The following EHHADH variants were observed in gnomAD, a reference collection of about 807,000 sequenced individuals.
EHHADH encodes enoyl-CoA hydratase and 3-hydroxyacyl CoA dehydrogenase.
A neutral mutation model predicts 64.4 loss-of-function variants in EHHADH; 48 were observed. The observed-to-expected ratio is 0.75, with a 90% CI of 0.59 to 0.95. The LOEUF is 0.95. Ranked by LOEUF, EHHADH falls within the 40% of genes least tolerant of loss-of-function variation. The pLI, the probability that EHHADH is intolerant of heterozygous loss-of-function variation, is 0.00. For missense variants in EHHADH, 854 were observed against 876.6 expected (o/e 0.97, Z 0.33); for synonymous variants, 308 against 326.7 (o/e 0.94, Z 0.62).
intron 5 of EHHADH, among the ~76,000 whole-genome samples, chr3:185,210,495 G>A (rs756945819): frequency 6.6e-6 from 1 of 151,894 alleles, no homozygotes; most frequent in Admixed American, 6.6e-5. Context: ...TTAGCCAGGC[G>A]TGGTGGGTGC....
intron 1 of EHHADH, chr3:185,253,197 C>T (rs985410244): frequency 6.9e-6 from 1 of 144,812 alleles, no homozygotes; most frequent in Admixed American, 7.1e-5. Flanking sequence ...CAAAATTCTG[C>T]TTTAATCACT....
At chr3:185,211,053 G>GT (rs1718528255) in intron 5 of EHHADH, among the ~76,000 whole-genome samples, 1 of 152,154 alleles carries the variant, frequency 6.6e-6, no homozygotes, top group South Asian at 2.1e-4. Flanking sequence ...ATCATAGATG[G>GT]TTTTTCCCTG....
At chr3:185,204,288 T>G in intron 6 of EHHADH, 128 bp downstream of exon 6, 3 of 808,194 alleles carry the variant, frequency 3.7e-6, no homozygotes, top group Non-Finnish European at 5.7e-6. Flanking sequence ...TGGGGTGGTG[T>G]GAGAATTAGC....
chr3:185,236,866 T>A (rs1045045356), intron 2 of EHHADH, among the ~76,000 whole-genome samples: 1 of 152,214 alleles, frequency 6.6e-6, no homozygotes, highest in Non-Finnish European at 1.5e-5. Context: ...GATAAATGCA[T>A]CAAGCACTGT....
chr3:185,219,793 C>A (rs1718787466), intron 4 of EHHADH, among the ~76,000 whole-genome samples: 1 of 152,200 alleles, frequency 6.6e-6, no homozygotes, highest in African/African-American at 2.4e-5. Context: ...CCATCGGAGA[C>A]AAACCCTCCA....
intron 6 of EHHADH, among the ~76,000 whole-genome samples, chr3:185,199,141 T>A (rs768092940): frequency 2.0e-5 from 3 of 152,148 alleles, no homozygotes; most frequent in Non-Finnish European, 4.4e-5. Flanking sequence ...TAAAGGAAGA[T>A]TAGACTGTAA....
chr3:185,213,384 C>T (rs922445276), intron 5 of EHHADH, among the ~76,000 whole-genome samples: 2 of 152,036 alleles, frequency 1.3e-5, no homozygotes, highest in African/African-American at 4.8e-5. Flanking sequence ...ACAAGCCCAC[C>T]AAAAAGCAAT....
Position 185,237,947 on chromosome 3 carries a change from TG to T in EHHADH, c.179-2486del, listed in dbSNP as rs1719341614. On this transcript the variant is annotated intron_variant, in intron 2 of 6. Transcript: ENST00000231887. ...GGTCCCTATGTCTATTACTTCCCTC[TG>T]TATGTCCATGTGTTCCCATTGTTTA... 1.3e-5 allele frequency among the ~76,000 whole-genome samples: 2 copies of T among 152,286 alleles called. 1 individual carries two copies. Among genetic ancestry groups the T allele is most frequent in the South Asian group, 4.1e-4 (2 of 4,830 alleles).
At chr3:185,240,612 G>C (rs1719422160) in intron 2 of EHHADH, among the ~76,000 whole-genome samples, 1 of 151,722 alleles carries the variant, frequency 6.6e-6, no homozygotes, top group Non-Finnish European at 1.5e-5. Context: ...GGAATCAGCT[G>C]TACTGTCACC....
At chr3:185,205,325 C>T (rs561318489) in intron 5 of EHHADH, among the ~76,000 whole-genome samples, 1 of 152,156 alleles carries the variant, frequency 6.6e-6, no homozygotes, top group East Asian at 1.9e-4. Context: ...CTTTGCCATC[C>T]TCCCTCCCTT....
At chr3:185,245,590 C>A in intron 2 of EHHADH, 1 of 759,872 alleles carries the variant, frequency 1.3e-6, no homozygotes, top group Non-Finnish European at 2.3e-6. Context: ...TGTCCTTCTG[C>A]AGGATTGTGT....
intron 2 of EHHADH, among the ~76,000 whole-genome samples, chr3:185,243,318 G>A (rs567038103): frequency 2.7e-4 from 41 of 152,254 alleles, no homozygotes; most frequent in South Asian, 1.2e-3. Flanking sequence ...TAAAATTCAC[G>A]ACATGAGCCT....
intron 1 of EHHADH, among the ~76,000 whole-genome samples, 194 bp from the exon 2 acceptor site, chr3:185,248,711 G>A (rs1369442705): frequency 1.3e-5 from 2 of 152,076 alleles, no homozygotes; most frequent in Non-Finnish European, 2.9e-5. Context: ...TAATATATAT[G>A]CCTATGATTA....
chr3:185,248,406 T>G lies in EHHADH; in HGVS notation c.178+8A>C. 1.2e-6 allele frequency: 2 copies of G among 1,600,292 alleles called. No homozygotes were observed. The highest frequency in any genetic ancestry group is 1.7e-6 in the Non-Finnish European group (2 of 1,167,384). On this transcript the variant is annotated splice_region_variant and intron_variant, in intron 2 of 6. Coordinates refer to ENST00000231887, the MANE Select transcript of EHHADH (RefSeq NM_001966.4). ...AGAGATGGTGGGAGAGGGTTAGACT[T>G]GAGTTACCTGCAGAAAATTTGCCCT...
At chr3:185,253,586 A>AAAG (rs1407696544) in intron 1 of EHHADH, among the ~76,000 whole-genome samples, 14 of 19,694 alleles carry the variant, frequency 7.1e-4, no homozygotes, top group African/African-American at 5.1e-3. Flanking sequence ...AAAAAAAGAA[A>AAAG]AATAAAAAGT....
At chr3:185,249,277 C>T (rs539807584) in intron 1 of EHHADH, among the ~76,000 whole-genome samples, 12 of 152,204 alleles carry the variant, frequency 7.9e-5, no homozygotes, top group Admixed American at 2.6e-4. Flanking sequence ...TACAGGCGCC[C>T]GCCACCACGT....
At position 185,233,357 on chromosome 3, in the gene EHHADH, T is replaced by C. The variant is rs199792534; in HGVS notation, c.351+1933A>G. On this transcript the variant is annotated intron_variant, in intron 3 of 6. Transcript: ENST00000231887. ...CCACCATTAAGAAAATAACTAAAAA[T>C]ATATATAGTAAAAGAAACAGCAAGA... 2.6e-5 allele frequency among the ~76,000 whole-genome samples: 4 copies of C among 152,026 alleles called. No individual in the cohort carries two copies. The East Asian group carries it at 7.7e-4, about 29-fold the overall frequency.
intron 5 of EHHADH, among the ~76,000 whole-genome samples, chr3:185,213,273 A>G (rs752221530): frequency 6.6e-6 from 1 of 152,056 alleles, no homozygotes; most frequent in African/African-American, 2.4e-5. Context: ...CACAGCATCA[A>G]CATCACCTAA....
At position 185,192,750 on chromosome 3, in the gene EHHADH, C is replaced by T. The variant is rs757961359; in HGVS notation, c.1648G>A (p.Ala550Thr). The T allele has an allele frequency of 1.5e-5, 24 of 1,613,816 alleles. No homozygotes were observed. Among genetic ancestry groups the T allele is most frequent in the African/African-American group, 2.7e-5 (2 of 74,896 alleles). ...TGPTLLPGTPARKRGNRRYCP... is the reference protein window; with the variant it reads ...TGPTLLPGTPTRKRGNRRYCP... ...TACCTCCTATTACCCCTTTTTCGGGCAGGAGTTCCTGGAAGCAATGTAGGT... is the reference window on the plus strand; with the variant it reads ...TACCTCCTATTACCCCTTTTTCGGGTAGGAGTTCCTGGAAGCAATGTAGGT... Residue 550 changes from alanine to threonine, a missense_variant, in exon 7 of 7, where the codon GCC (alanine) becomes ACC (threonine). By Grantham distance (58) the Ala-to-Thr change is moderately conservative (BLOSUM62 0). Transcript: ENST00000231887.
Sources: allele counts gnomAD v4.1 joint callset (sites outside exome capture counted in the v4.1 genomes callset), GRCh38; gene constraint gnomAD v4.1.1; transcripts MANE v1.5; gene names NCBI Gene and HGNC (gene_info 2026-07-23, HGNC 2026-07-21).